Variants in TENM2 observed in about 807,000 individuals in gnomAD.
The protein encoded by TENM2 is teneurin transmembrane protein 2, also known as teneurin-2.
TENM2 carries 52 observed loss-of-function variants against 245.2 expected under a neutral mutation model. That is an observed-to-expected ratio of 0.21 (90% CI 0.17 to 0.27). TENM2 has a LOEUF of 0.27. Among genes scored for constraint, TENM2 ranks in the 10% least tolerant of loss-of-function variants. The pLI, the probability that TENM2 is intolerant of heterozygous loss-of-function variation, is 1.00. For synonymous variants in TENM2, 1,363 were observed against 1,438.9 expected, an observed-to-expected ratio of 0.95 and a Z score of 1.19; for missense variants, 3,046 against 3,666.8, an observed-to-expected ratio of 0.83 and a Z score of 4.37.
At chr5:167,518,160 CAA>C (rs201319534) in intron 2 of TENM2, among the ~76,000 whole-genome samples, 6 of 141,282 alleles carry the variant, frequency 4.2e-5, no homozygotes, top group Admixed American at 7.1e-5. Flanking sequence ...GACCCTGTCT[CAA>C]AAAAAAAAAA....
At chr5:167,402,808 A>G (rs1762433645) in intron 2 of TENM2, among the ~76,000 whole-genome samples, 1 of 152,128 alleles carries the variant, frequency 6.6e-6, no homozygotes, top group Non-Finnish European at 1.5e-5. Flanking sequence ...GTTTAAAGAG[A>G]CTTCAGAGCC....
intron 2 of TENM2, among the ~76,000 whole-genome samples, chr5:167,638,192 A>G (rs1476001492): frequency 6.6e-6 from 1 of 151,406 alleles, no homozygotes; most frequent in Non-Finnish European, 1.5e-5. Context: ...CACACTGGAA[A>G]ATTCATTGAC....
intron 3 of TENM2, among the ~76,000 whole-genome samples, chr5:167,928,533 A>G (rs1421684543): frequency 6.6e-6 from 1 of 152,136 alleles, no homozygotes; most frequent in Non-Finnish European, 1.5e-5. Context: ...TTATTTAGTT[A>G]TTACTGAAGG....
At chr5:168,215,496 A>C (rs926396819) in intron 21 of TENM2, among the ~76,000 whole-genome samples, 1 of 152,060 alleles carries the variant, frequency 6.6e-6, no homozygotes, top group South Asian at 2.1e-4. Context: ...GTGAAACCCC[A>C]TCTCTACTAA....
At chr5:168,224,290 G>A (rs1042435512) in intron 23 of TENM2, among the ~76,000 whole-genome samples, 1 of 152,132 alleles carries the variant, frequency 6.6e-6, no homozygotes, top group South Asian at 2.1e-4. Flanking sequence ...TGGGGCCCTG[G>A]GCGAGTGATA....
intron 1 of TENM2, among the ~76,000 whole-genome samples, chr5:167,308,219 A>C (rs1441315485): frequency 2.6e-5 from 4 of 152,174 alleles, no homozygotes; most frequent in Non-Finnish European, 5.9e-5. Flanking sequence ...AAAGCACAGA[A>C]TTTGAAGCAG....
At chr5:167,317,347 T>C (rs1048555340) in intron 1 of TENM2, among the ~76,000 whole-genome samples, 20 of 152,088 alleles carry the variant, frequency 1.3e-4, no homozygotes, top group African/African-American at 4.8e-4. Context: ...CTAAACTGTC[T>C]CTGTGGCGGT....
chr5:167,583,030 T>C (rs1304113364), intron 2 of TENM2, among the ~76,000 whole-genome samples: 1 of 152,212 alleles, frequency 6.6e-6, no homozygotes, highest in African/African-American at 2.4e-5. Flanking sequence ...GTTGAGCATG[T>C]TTGCCAAGTT....
chr5:167,046,367 G>A, the TENM2 span, among the ~76,000 whole-genome samples: 2 of 152,062 alleles, frequency 1.3e-5, no homozygotes, highest in African/African-American at 4.8e-5. Context: ...TGATTAAATG[G>A]CACCATTTTA....
chr5:166,981,079 ATCT>A, the TENM2 span, among the ~76,000 whole-genome samples: 1 of 152,320 alleles, frequency 6.6e-6, no homozygotes, highest in Non-Finnish European at 1.5e-5. Context: ...AACTAGTCAG[ATCT>A]TCTTTTATGT....
intron 2 of TENM2, among the ~76,000 whole-genome samples, chr5:167,627,833 A>G (rs1561615551): frequency 6.6e-6 from 1 of 152,164 alleles, no homozygotes; most frequent in Non-Finnish European, 1.5e-5. Context: ...TTGGGATTAC[A>G]GGCGTGAGCC....
At chr5:167,264,492 GT>G in the TENM2 span, among the ~76,000 whole-genome samples, 4 of 152,176 alleles carry the variant, frequency 2.6e-5, no homozygotes, top group Non-Finnish European at 5.9e-5. Flanking sequence ...AGCAGCGTGT[GT>G]TTTGTTCCTA....
At chr5:167,892,274 AC>A (rs1774823152) in intron 3 of TENM2, among the ~76,000 whole-genome samples, 1 of 152,254 alleles carries the variant, frequency 6.6e-6, no homozygotes, top group African/African-American at 2.4e-5. Flanking sequence ...TAAGTCAAAT[AC>A]AGTTCCTTAT....
intron 2 of TENM2, among the ~76,000 whole-genome samples, chr5:167,564,860 A>G (rs1279438476): frequency 3.3e-5 from 5 of 152,340 alleles, no homozygotes; most frequent in Middle Eastern, 3.4e-3. Context: ...TTCTTGCATC[A>G]TGTTTGTTAA....
At chr5:167,377,679 C>G (rs752713947) in intron 2 of TENM2, among the ~76,000 whole-genome samples, 5 of 152,162 alleles carry the variant, frequency 3.3e-5, no homozygotes, top group African/African-American at 4.8e-5. Flanking sequence ...GTGTTAACTT[C>G]AGTAAACTTC....
chr5:167,555,438 TACCCTACTGTCCGTTAA>T (rs140997766), intron 2 of TENM2, among the ~76,000 whole-genome samples: 14,659 of 152,216 alleles, frequency 0.096, 1,066 homozygotes, highest in Admixed American at 0.26. Context: ...CTTGGTTGGA[TACCCTACTGTCCGTTAA>T]ACCCTGGAAA....
At chr5:167,151,417 T>G in the TENM2 span, among the ~76,000 whole-genome samples, 7 of 152,232 alleles carry the variant, frequency 4.6e-5, no homozygotes, top group Admixed American at 3.3e-4. Flanking sequence ...AGTAGAGAAG[T>G]GTTTCTTCTA....
the TENM2 span, among the ~76,000 whole-genome samples, chr5:167,264,101 G>A: frequency 7.6e-6 from 1 of 130,746 alleles, no homozygotes; most frequent in Non-Finnish European, 1.6e-5. Context: ...ACGAAACTCT[G>A]TCTCAAAAAA....
chr5:167,501,199 T>C (rs1769189657), intron 2 of TENM2, among the ~76,000 whole-genome samples: 1 of 152,172 alleles, frequency 6.6e-6, no homozygotes, highest in African/African-American at 2.4e-5. Context: ...CTTTTTTGCG[T>C]TACAGGTATT....
Sources: allele counts gnomAD v4.1 joint callset (sites outside exome capture counted in the v4.1 genomes callset), GRCh38; gene constraint gnomAD v4.1.1; transcripts MANE v1.5; gene names NCBI Gene and HGNC (gene_info 2026-07-23, HGNC 2026-07-21).